KLHL29: variants seen among roughly 807,000 people sequenced by gnomAD.
The protein encoded by KLHL29 is kelch-like protein 29.
In KLHL29, 21 loss-of-function variants were observed where a neutral mutation model predicts 80.4. The ratio of observed to expected loss-of-function variants is 0.26; its 90% CI spans 0.19 to 0.38. KLHL29 has a LOEUF of 0.38. KLHL29 is among the 10% of genes least tolerant of loss of function. KLHL29 has a pLI of 1.00. For synonymous variants in KLHL29, 511 were observed against 526.8 expected, an observed-to-expected ratio of 0.97 and a Z score of 0.41; for missense variants, 867 against 1,223.9, an observed-to-expected ratio of 0.71 and a Z score of 4.35.
intron 3 of KLHL29, among the ~76,000 whole-genome samples, chr2:23,618,331 A>T (rs1669074964): frequency 6.6e-6 from 1 of 152,164 alleles, no homozygotes. Context: ...TGGGCCAAAG[A>T]TGATCCTGGG....
intron 3 of KLHL29, among the ~76,000 whole-genome samples, chr2:23,608,878 A>G (rs767584171): frequency 4.6e-5 from 7 of 152,220 alleles, no homozygotes; most frequent in Non-Finnish European, 1.0e-4. Context: ...AGATAATAAT[A>G]ATAATAAAAC....
At chr2:23,591,161 G>C (rs1460249184) in intron 3 of KLHL29, among the ~76,000 whole-genome samples, 1 of 152,196 alleles carries the variant, frequency 6.6e-6, no homozygotes, top group Non-Finnish European at 1.5e-5. Context: ...GCAGCCATGT[G>C]GGTATCTGGA....
At chr2:23,613,941 C>G (rs1481157337) in intron 3 of KLHL29, among the ~76,000 whole-genome samples, 1 of 151,998 alleles carries the variant, frequency 6.6e-6, no homozygotes, top group Non-Finnish European at 1.5e-5. Context: ...CCCATTCTAT[C>G]CCTTAAAAAA....
At chr2:23,508,968 T>G (rs1665689651) in intron 2 of KLHL29, among the ~76,000 whole-genome samples, 1 of 152,216 alleles carries the variant, frequency 6.6e-6, no homozygotes, top group African/African-American at 2.4e-5. Context: ...TCTCTGTGCC[T>G]CCGTTCCCTC....
At position 23,552,761 on chromosome 2, in the gene KLHL29, C is replaced by CTTTTTTTT. The variant is rs60558023; in HGVS notation, c.-45-9381_-45-9374dup. ...CACGGCTATAGCTCTGGTTTCTTTT[C>CTTTTTTTT]TTTTTTTTTTTTTTTTTGAGATGGC... On this transcript the variant is annotated intron_variant, in intron 2 of 13. Transcript: ENST00000486442. Among the ~76,000 whole-genome samples, 103 of 95,534 alleles carry CTTTTTTTT rather than the reference C, an allele frequency of 1.1e-3. 24 individuals are homozygous for CTTTTTTTT. The highest frequency in any genetic ancestry group is 3.8e-3 in the African/African-American group (81 of 21,204). The allele number at this position is 95,534 out of a possible 152,430, so 62.7% of individuals were successfully genotyped here. A position where few individuals can be genotyped will look rare whatever the true frequency, so the allele number is the denominator to read the frequency against.
chr2:23,584,934 G>A (rs966107605), intron 3 of KLHL29, among the ~76,000 whole-genome samples: 9 of 152,078 alleles, frequency 5.9e-5, no homozygotes, highest in African/African-American at 9.7e-5. Flanking sequence ...AAGGGGTTTC[G>A]CCATGTTGGC....
chr2:23,700,191 C>T lies in KLHL29; in HGVS notation c.2106-2995C>T, dbSNP rs1247392212. Among the ~76,000 whole-genome samples, 1 of 152,228 alleles carries T rather than the reference C, an allele frequency of 6.6e-6. No homozygotes were observed. The highest frequency in any genetic ancestry group is 1.5e-5 in the Non-Finnish European group (1 of 68,038). On this transcript the variant is annotated intron_variant, in intron 11 of 13. Transcript: ENST00000486442. The surrounding 1 kb of genome is among the most constrained non-coding windows in gnomAD (Gnocchi z 4.6). ...ACTCCTTCCTATTTTAGCATGTAAA[C>T]ACAATTAAACATTCCCCTTAAAAAT... is the stretch of plus-strand genomic sequence containing the variant.
At chr2:23,472,190 T>C (rs992775486) in intron 1 of KLHL29, among the ~76,000 whole-genome samples, 4 of 152,168 alleles carry the variant, frequency 2.6e-5, no homozygotes, top group African/African-American at 9.7e-5. Context: ...ATAAAATCAC[T>C]GAGGCATAGA....
At chr2:23,405,804 G>C (rs917437969) in intron 1 of KLHL29, among the ~76,000 whole-genome samples, 1 of 152,182 alleles carries the variant, frequency 6.6e-6, no homozygotes, top group African/African-American at 2.4e-5. Flanking sequence ...TGAGCACATG[G>C]TTTTGGAGGT....
intron 5 of KLHL29, among the ~76,000 whole-genome samples, chr2:23,671,648 C>T (rs1670767385): frequency 1.3e-5 from 2 of 152,196 alleles, no homozygotes; most frequent in Admixed American, 6.5e-5. Flanking sequence ...GGCCTTTTCC[C>T]AGCCAGCCCC....
intron 1 of KLHL29, among the ~76,000 whole-genome samples, chr2:23,424,314 G>C (rs975866876): frequency 6.6e-6 from 1 of 152,202 alleles, no homozygotes; most frequent in Admixed American, 6.5e-5. Context: ...GTGCATTTGC[G>C]TGTGCATGTT....
rs555863862 is a variant in KLHL29, at chr2:23,647,865, C to T, written c.940+5015C>T. Among the ~76,000 whole-genome samples the T allele has an allele frequency of 3.9e-5, 6 of 152,200 alleles. No homozygotes were observed. The East Asian group carries it at 9.7e-4, about 25-fold the overall frequency. Reference sequence around the variant, plus strand: ...TGTGAGACCATTCGACTGTGAGCCCCGGGGTCAGGGGCAGCAAGGATGCTA... The same window carrying T: ...TGTGAGACCATTCGACTGTGAGCCCTGGGGTCAGGGGCAGCAAGGATGCTA... On this transcript the variant is annotated intron_variant, in intron 5 of 13. Transcript: ENST00000486442. This position sits in a 1 kb window ranked among gnomAD's most constrained non-coding sequence, Gnocchi z 4.9.
chr2:23,430,823 C>G (rs1339918873), intron 1 of KLHL29, among the ~76,000 whole-genome samples: 1 of 152,188 alleles, frequency 6.6e-6, no homozygotes, highest in African/African-American at 2.4e-5. Context: ...TCCAGCCTTT[C>G]CATTTTACAG....
At chr2:23,610,273 C>A (rs898241725) in intron 3 of KLHL29, among the ~76,000 whole-genome samples, 1 of 152,210 alleles carries the variant, frequency 6.6e-6, no homozygotes, top group African/African-American at 2.4e-5. Flanking sequence ...CCTCTCGGTA[C>A]TGAATTGCAC....
chr2:23,658,932 C>T (rs1414629193), intron 5 of KLHL29, among the ~76,000 whole-genome samples: 1 of 152,214 alleles, frequency 6.6e-6, no homozygotes, highest in Non-Finnish European at 1.5e-5. Flanking sequence ...GCCCCAGCCT[C>T]AGCGTGGAAG....
At chr2:23,511,152 C>T (rs61030790) in intron 2 of KLHL29, among the ~76,000 whole-genome samples, 21,340 of 152,032 alleles carry the variant, frequency 0.14, 2,190 homozygotes, top group East Asian at 0.56. Context: ...GTTTCTAGGG[C>T]ATTTGATAAA....
chr2:23,514,190 G>T (rs1665857624), intron 2 of KLHL29, among the ~76,000 whole-genome samples: 1 of 152,192 alleles, frequency 6.6e-6, no homozygotes, highest in Admixed American at 6.5e-5. Context: ...ATGCTGCCAG[G>T]GAGTGAGGTT....
chr2:23,651,408 C>T (rs377313468), intron 5 of KLHL29, among the ~76,000 whole-genome samples: 44 of 152,254 alleles, frequency 2.9e-4, no homozygotes, highest in African/African-American at 1.0e-3. Flanking sequence ...CAAATGACCT[C>T]TCGGTGTCAT....
intron 1 of KLHL29, among the ~76,000 whole-genome samples, chr2:23,443,946 G>A (rs1663603638): frequency 6.6e-6 from 1 of 152,214 alleles, no homozygotes; most frequent in Non-Finnish European, 1.5e-5. Flanking sequence ...CTTATGTGAG[G>A]TAGCAGGGGT....
Sources: allele counts gnomAD v4.1 joint callset (sites outside exome capture counted in the v4.1 genomes callset), GRCh38; gene constraint gnomAD v4.1.1; non-coding constraint Gnocchi (gnomAD v3.1); transcripts MANE v1.5; gene names NCBI Gene and HGNC (gene_info 2026-07-23, HGNC 2026-07-21).